ALK: variants seen among roughly 807,000 people sequenced by gnomAD.
The protein encoded by ALK is ALK tyrosine kinase receptor.
In ALK, 74 loss-of-function variants were observed where a neutral mutation model predicts 163.1. That is an observed-to-expected ratio of 0.45 (90% CI 0.38 to 0.55). ALK has a LOEUF of 0.55. Ranked by LOEUF, ALK falls within the 20% of genes least tolerant of loss-of-function variation. The probability of loss-of-function intolerance (pLI) is 0.00; values close to 1 mark genes in which losing one functional copy is unlikely to be tolerated. For synonymous variants in ALK, 960 were observed against 843.2 expected, an observed-to-expected ratio of 1.14 and a Z score of -2.40; for missense variants, 2,063 against 2,105.3, an observed-to-expected ratio of 0.98 and a Z score of 0.39.
At chr2:29,449,464 G>A (rs1670768636) in intron 4 of ALK, among the ~76,000 whole-genome samples, 1 of 152,174 alleles carries the variant, frequency 6.6e-6, no homozygotes, top group African/African-American at 2.4e-5. Flanking sequence ...ATCACTAGGA[G>A]ACTTGCATGT....
chr2:29,734,617 A>G (rs1263748780), intron 1 of ALK, among the ~76,000 whole-genome samples: 1 of 152,094 alleles, frequency 6.6e-6, no homozygotes, highest in African/African-American at 2.4e-5. Context: ...AAAAATAAAT[A>G]TAGATCCTGA....
At chr2:29,682,038 G>T (rs139903473) in intron 3 of ALK, among the ~76,000 whole-genome samples, 3 of 152,250 alleles carry the variant, frequency 2.0e-5, no homozygotes, top group African/African-American at 4.8e-5. Context: ...AGACCAACAG[G>T]TGTCTGAATT....
At chr2:29,488,133 C>T (rs926205941) in intron 4 of ALK, among the ~76,000 whole-genome samples, 1 of 152,116 alleles carries the variant, frequency 6.6e-6, no homozygotes, top group Non-Finnish European at 1.5e-5. Flanking sequence ...TTCTAGGTAA[C>T]CCCAGAACAG....
chr2:29,640,415 A>C (rs992257356), intron 3 of ALK, among the ~76,000 whole-genome samples: 1 of 152,052 alleles, frequency 6.6e-6, no homozygotes, highest in African/African-American at 2.4e-5. Flanking sequence ...AGTGTGTGAC[A>C]CCTACTTCCT....
Position 29,195,464 on chromosome 2 carries a change from T to C in ALK, c.4164+1306A>G, listed in dbSNP as rs1668999101. ...AAGAGGAGGGGATTTAAAGAAATAGTAGGTAGGCCAGGTGTGGCAGCACTT... is the reference window on the plus strand; with the variant it reads ...AAGAGGAGGGGATTTAAAGAAATAGCAGGTAGGCCAGGTGTGGCAGCACTT... On this transcript the variant is annotated intron_variant, in intron 28 of 28. Coordinates refer to ENST00000389048, the MANE Select transcript of ALK (RefSeq NM_004304.5). 2.0e-5 allele frequency among the ~76,000 whole-genome samples: 3 copies of C among 152,076 alleles called. No homozygotes were observed. In the South Asian group the frequency reaches 6.2e-4, roughly 32 times the overall value.
intron 9 of ALK, among the ~76,000 whole-genome samples, chr2:29,279,425 G>A (rs1469627120): frequency 1.3e-5 from 2 of 152,184 alleles, no homozygotes; most frequent in Non-Finnish European, 2.9e-5. Context: ...GGAAGGGACA[G>A]TGGGACAAAG....
chr2:29,561,179 G>C (rs1674012677), intron 3 of ALK, among the ~76,000 whole-genome samples: 1 of 152,054 alleles, frequency 6.6e-6, no homozygotes, highest in Non-Finnish European at 1.5e-5. Context: ...TTTGAATTAA[G>C]TATGTAGCTC....
intron 1 of ALK, among the ~76,000 whole-genome samples, chr2:29,830,628 G>A (rs1370714887): frequency 6.9e-6 from 1 of 144,784 alleles, no homozygotes; most frequent in Non-Finnish European, 1.5e-5. Context: ...CAGTGACTCA[G>A]GAGACTGAGG....
chr2:29,684,112 A>G (rs1464045805), intron 3 of ALK, among the ~76,000 whole-genome samples: 1 of 152,146 alleles, frequency 6.6e-6, no homozygotes, highest in Non-Finnish European at 1.5e-5. Flanking sequence ...TTTCTTTCAA[A>G]TCCCTTCAAG....
intron 15 of ALK, among the ~76,000 whole-genome samples, chr2:29,229,405 G>A (rs898594380): frequency 2.6e-5 from 4 of 152,282 alleles, no homozygotes; most frequent in East Asian, 1.9e-4. Context: ...GACTAAACTC[G>A]TTCCTCTATC....
At chr2:29,686,982 G>A (rs1350099120) in intron 3 of ALK, among the ~76,000 whole-genome samples, 2 of 152,108 alleles carry the variant, frequency 1.3e-5, no homozygotes, top group Non-Finnish European at 2.9e-5. Flanking sequence ...GACGAGTGAC[G>A]TGTTTCTACA....
chr2:29,356,010 G>C (rs1244677788), intron 5 of ALK, among the ~76,000 whole-genome samples: 1 of 152,124 alleles, frequency 6.6e-6, no homozygotes, highest in Non-Finnish European at 1.5e-5. Context: ...TTACACTACA[G>C]AAATTGGCAA....
chr2:29,827,051 A>G (rs1209009175), intron 1 of ALK, among the ~76,000 whole-genome samples: 1 of 152,244 alleles, frequency 6.6e-6, no homozygotes, highest in Non-Finnish European at 1.5e-5. Context: ...TAACAGAGAT[A>G]TCGGTCTCAA....
rs1573530874 is a variant in ALK, at chr2:29,654,195, C to T, written c.952+40655G>A. The stretch of plus-strand genomic sequence containing the variant: ...TCATTTTTCAGACGAGAAAACAGGT[C>T]TAAAAGATTAAAAGAGTTGGCCAAA... On this transcript the variant is annotated intron_variant, in intron 3 of 28. Transcript: ENST00000389048. Among the ~76,000 whole-genome samples, 4 of 152,254 alleles carry T rather than the reference C, an allele frequency of 2.6e-5. 1 individual carries two copies. Among genetic ancestry groups the T allele is most frequent in the Admixed American group, 2.6e-4 (4 of 15,278 alleles).
intron 2 of ALK, among the ~76,000 whole-genome samples, chr2:29,712,923 G>T (rs1365458207): frequency 1.3e-5 from 2 of 152,182 alleles, no homozygotes; most frequent in Non-Finnish European, 1.5e-5. Context: ...GGCTGGATCA[G>T]CTTCTTAGGG....
At chr2:29,458,350 T>C (rs1671009038) in intron 4 of ALK, among the ~76,000 whole-genome samples, 1 of 152,140 alleles carries the variant, frequency 6.6e-6, no homozygotes, top group South Asian at 2.1e-4. Context: ...GGGACTTAGC[T>C]TCAGAGACGC....
At chr2:29,801,776 G>A (rs1429923869) in intron 1 of ALK, among the ~76,000 whole-genome samples, 1 of 152,132 alleles carries the variant, frequency 6.6e-6, no homozygotes, top group Non-Finnish European at 1.5e-5. Flanking sequence ...TTTCAATATT[G>A]AGGAAATGGA....
At chr2:29,801,109 A>G (rs568415102) in intron 1 of ALK, among the ~76,000 whole-genome samples, 42 of 152,354 alleles carry the variant, frequency 2.8e-4, no homozygotes, top group Admixed American at 6.5e-4. Flanking sequence ...AACCTATGGA[A>G]GACCATGAGG....
At chr2:29,401,426 T>A (rs1218751716) in intron 4 of ALK, among the ~76,000 whole-genome samples, 3 of 152,224 alleles carry the variant, frequency 2.0e-5, no homozygotes, top group African/African-American at 7.2e-5. Flanking sequence ...CTGTATCATA[T>A]TCCTTTAAGC....
Sources: allele counts gnomAD v4.1 joint callset (sites outside exome capture counted in the v4.1 genomes callset), GRCh38; gene constraint gnomAD v4.1.1; transcripts MANE v1.5; gene names NCBI Gene and HGNC (gene_info 2026-07-23, HGNC 2026-07-21).